The following CUX1 variants were observed in gnomAD, a reference collection of about 807,000 sequenced individuals.
CUX1 encodes the protein protein CASP.
In CUX1, 31 loss-of-function variants were observed where a neutral mutation model predicts 158.8. The observed-to-expected ratio is 0.20, with a 90% confidence interval of 0.15 to 0.26. CUX1 has a LOEUF of 0.26. Ranked by LOEUF, CUX1 falls within the 10% of genes least tolerant of loss-of-function variation. The pLI is 1.00. For missense variants in CUX1, 1,589 were observed against 2,014.6 expected, an observed-to-expected ratio of 0.79 and a Z score of 4.04; for synonymous variants, 879 against 862.1, an observed-to-expected ratio of 1.02 and a Z score of -0.34.
chr7:102,189,854 G>A lies in CUX1; in HGVS notation c.1059G>A (p.Glu353=), dbSNP rs1478717913. 6.2e-7 allele frequency: 1 copy of A among 1,614,274 alleles called. No homozygotes were observed. Among genetic ancestry groups the A allele is most frequent in the South Asian group, 1.1e-5 (1 of 91,086 alleles). Reference sequence around the variant, plus strand: ...TCAAAGGCCAGGCTGACTATGAAGAGGTGAAGAAAGAGCTGAAGTAAGTAC... The same window carrying A: ...TCAAAGGCCAGGCTGACTATGAAGAAGTGAAGAAAGAGCTGAAGTAAGTAC... The part of the protein sequence containing the change: ...EKLKGQADYE[E]VKKELNILKS... The change falls in exon 12 of 24, where the codon GAG becomes GAA. Residue 353 remains glutamate, a synonymous_variant. Coordinates refer to ENST00000292535, the MANE Select transcript of CUX1 (RefSeq NM_181552.4).
Position 102,097,469 on chromosome 7 carries a change from A to C in CUX1, c.374A>C (p.Tyr125Ser). The C allele has an allele frequency of 6.2e-7, 1 of 1,610,566 alleles. No individual in the cohort carries two copies. Residue 125 changes from tyrosine (Y) to serine (S), a missense_variant, in exon 5 of 24, where the codon TAC becomes TCC. This residue lies in a region of CUX1 where 515 missense variants were observed against 574.4 expected (regional missense o/e 0.90). Transcript: ENST00000292535. ...NQKLRETLEE[Y>S]NKEFAEVKNQ... ...AAACTTAGGGAAACTCTGGAAGAAT[A>C]CAACAAGGAATTTGCTGAAGTGAAA...
At chr7:102,171,211 G>A (rs1791680870) in intron 10 of CUX1, among the ~76,000 whole-genome samples, 1 of 152,116 alleles carries the variant, frequency 6.6e-6, no homozygotes, top group Non-Finnish European at 1.5e-5. Context: ...CTTGGGTGTT[G>A]GAGCCATAGC....
intron 1 of CUX1, among the ~76,000 whole-genome samples, chr7:101,912,508 G>A (rs1027910349): frequency 1.1e-4 from 17 of 152,020 alleles, no homozygotes; most frequent in Non-Finnish European, 2.4e-4. Flanking sequence ...AATAGTTAGT[G>A]CAGTTCTTCC....
At chr7:102,034,144 T>TAAAA (rs1231592881) in intron 3 of CUX1, among the ~76,000 whole-genome samples, 2 of 2,952 alleles carry the variant, frequency 6.8e-4, no homozygotes, top group African/African-American at 6.6e-3. Flanking sequence ...AGACTCCATC[T>TAAAA]CAAAAAAAAA....
intron 1 of CUX1, among the ~76,000 whole-genome samples, chr7:101,818,630 A>G (rs576249009): frequency 6.6e-6 from 1 of 152,332 alleles, no homozygotes; most frequent in South Asian, 2.1e-4. Context: ...CCCTTATTTG[A>G]ACTTCATTCC....
chr7:102,144,836 C>A (rs926625084), intron 8 of CUX1, among the ~76,000 whole-genome samples: 9 of 151,598 alleles, frequency 5.9e-5, no homozygotes, highest in Non-Finnish European at 1.2e-4. Context: ...GTCTGTAATC[C>A]CAGCACTTTG....
At chr7:101,989,757 C>G (rs1345275012) in intron 2 of CUX1, among the ~76,000 whole-genome samples, 1 of 152,202 alleles carries the variant, frequency 6.6e-6, no homozygotes, top group Non-Finnish European at 1.5e-5. Flanking sequence ...GCTCCTACCC[C>G]CGTCCTTCCC....
At chr7:102,274,349 G>A (rs2132810482) in intron 16 of CUX1, 3 of 1,567,120 alleles carry the variant, frequency 1.9e-6, no homozygotes, top group Non-Finnish European at 2.6e-6. Context: ...GGGAGGAGGA[G>A]GGAAGAGGAG....
chr7:101,993,811 C>T (rs905862447), intron 2 of CUX1, among the ~76,000 whole-genome samples: 1 of 152,162 alleles, frequency 6.6e-6, no homozygotes, highest in Non-Finnish European at 1.5e-5. Flanking sequence ...GGGACATTCT[C>T]AGGCTGTTTG....
At chr7:102,278,083 G>A in intron 18 of CUX1, 1 of 1,568,944 alleles carries the variant, frequency 6.4e-7, no homozygotes, top group Non-Finnish European at 8.8e-7. Context: ...CCCTCCCCTG[G>A]CCTCAGCTCC....
At position 102,048,830 on chromosome 7, in the gene CUX1, AAAAT is replaced by A. The variant is rs566816456; in HGVS notation, c.189+20697_189+20700del. On this transcript the variant is annotated intron_variant, in intron 3 of 23. Transcript: ENST00000292535. ...GGCAACAGAGCGAGACTCCATCTCA[AAAAT>A]AAATAAATAAAGGGAATTTGACATA... Among the ~76,000 whole-genome samples, 404 of 152,274 alleles carry A rather than the reference AAAAT, an allele frequency of 2.7e-3. 3 individuals carry two copies. The highest frequency in any genetic ancestry group is 4.4e-3 in the Non-Finnish European group (302 of 68,010).
intron 3 of CUX1, among the ~76,000 whole-genome samples, chr7:102,039,267 C>G (rs1821779333): frequency 6.6e-6 from 1 of 152,146 alleles, no homozygotes; most frequent in Admixed American, 6.5e-5. Context: ...GTCATAATGG[C>G]AGGACTGGCC....
chr7:101,836,639 C>T (rs551474035), intron 1 of CUX1, among the ~76,000 whole-genome samples: 4 of 136,716 alleles, frequency 2.9e-5, no homozygotes, highest in Admixed American at 8.1e-5. Context: ...GTCAGGAGTT[C>T]GAGACCAGCC....
rs140684563 is a variant in CUX1 at position 102,108,076 on chromosome 7, C to T, written c.530+3617C>T. ...CAGTGAGTGATCAAGGGGGAAAACG[C>T]GAGCAATCTCAGTGCCCTGCCATGG... On this transcript the variant is annotated intron_variant, in intron 6 of 23. Coordinates refer to ENST00000292535, the MANE Select transcript of CUX1 (RefSeq NM_181552.4). 6.8e-3 allele frequency among the ~76,000 whole-genome samples: 1,036 copies of T among 152,268 alleles called. 7 individuals carry two copies. Among genetic ancestry groups the T allele is most frequent in the African/African-American group, 0.024 (985 of 41,544 alleles).
intron 5 of CUX1, among the ~76,000 whole-genome samples, chr7:102,101,147 A>G (rs1016542453): frequency 7.9e-5 from 12 of 152,198 alleles, no homozygotes; most frequent in African/African-American, 2.4e-4. Flanking sequence ...CACTTCCAAC[A>G]CTGGAGATCA....
intron 2 of CUX1, among the ~76,000 whole-genome samples, chr7:101,991,149 T>A (rs577375321): frequency 2.6e-5 from 4 of 152,150 alleles, no homozygotes. Flanking sequence ...GGGTGGCTTA[T>A]GAGATCCAGT....
chr7:102,004,506 G>A (rs1012270298), intron 2 of CUX1, among the ~76,000 whole-genome samples: 11 of 152,154 alleles, frequency 7.2e-5, no homozygotes, highest in Admixed American at 2.0e-4. Context: ...CTGATAACTC[G>A]TAAATCACAA....
chr7:101,957,794 G>A (rs1157233525), intron 2 of CUX1, among the ~76,000 whole-genome samples: 1 of 152,058 alleles, frequency 6.6e-6, no homozygotes, highest in Non-Finnish European at 1.5e-5. Context: ...ATAAGAAAAT[G>A]TCCAAGTCTG....
At position 102,248,376 on chromosome 7, in the gene CUX1, AC is replaced by A. The variant is rs782146394; in HGVS notation, c.3888-30del. The A allele has an allele frequency of 5.2e-6, 8 of 1,535,642 alleles. No homozygotes were observed. Among genetic ancestry groups the A allele is most frequent in the South Asian group, 1.2e-5 (1 of 85,500 alleles). ...CACCAGAGGCCCTTTCCCCAGCAGC[AC>A]CCCCCTCACGTCCCCGCCGCTTGTT... On this transcript the variant is annotated intron_variant, in intron 23 of 23. Transcript: ENST00000292535. This position sits in a 1 kb window ranked among gnomAD's most constrained non-coding sequence, Gnocchi z 5.8.
Sources: allele counts gnomAD v4.1 joint callset (sites outside exome capture counted in the v4.1 genomes callset), GRCh38; gene constraint gnomAD v4.1.1; regional missense constraint gnomAD v4.1.1; non-coding constraint Gnocchi (gnomAD v3.1); transcripts MANE v1.5; gene names NCBI Gene and HGNC (gene_info 2026-07-23, HGNC 2026-07-21).